Variants in PRR27 observed in about 807,000 individuals in gnomAD.
The protein encoded by PRR27 is proline rich 27, also known as proline-rich protein 27.
PRR27 carries 12 observed loss-of-function variants against 16.8 expected under a neutral mutation model. The observed-to-expected ratio is 0.71, with a 90% CI of 0.46 to 1.16. PRR27 has a LOEUF of 1.16. Among genes scored for constraint, PRR27 ranks in the 50% most tolerant of loss-of-function variants. The pLI is 0.00. For missense variants in PRR27, 277 were observed against 273.3 expected (o/e 1.01, Z -0.10); for synonymous variants, 100 against 98.4 (o/e 1.02, Z -0.10).
chr4:70,161,646 TA>T lies in PRR27; in HGVS notation c.*33+18del. On this transcript the variant is annotated intron_variant, in intron 4 of 4. Transcript: ENST00000344526. ...GTTCATTTCTGTAAGTCATATGTGATAATATAATTTAGAAATTATAGATAAA... is the reference window on the plus strand; with the variant it reads ...GTTCATTTCTGTAAGTCATATGTGATATATAATTTAGAAATTATAGATAAA... 8.2e-7 allele frequency: 1 copy of T among 1,221,958 alleles called. No individual in the cohort carries two copies. Among genetic ancestry groups the T allele is most frequent in the Non-Finnish European group, 1.2e-6 (1 of 856,998 alleles). The allele number at this position is 1,221,958 out of a possible 1,614,324, so 75.7% of individuals were successfully genotyped here.
chr4:70,156,461 G>A (rs1366387816), intron 2 of PRR27, among the ~76,000 whole-genome samples: 2 of 152,280 alleles, frequency 1.3e-5, no homozygotes, highest in South Asian at 2.1e-4. Context: ...TAGAGCAAGA[G>A]AAAGCATGAA....
chr4:70,164,548 T>A lies in PRR27; in HGVS notation c.*1887T>A, dbSNP rs1234362154. 1 of 152,140 alleles carries A rather than the reference T, an allele frequency of 6.6e-6. No individual in the cohort carries two copies. The highest frequency in any genetic ancestry group is 2.4e-5 in the African/African-American group (1 of 41,432). 9.4% of individuals were successfully genotyped at this position (152,140 alleles called of 1,614,324 possible). The stretch of plus-strand genomic sequence containing the variant: ...TCTAACTTTAATTTGACTTAGCCAA[T>A]AATCTGAAACTATTATAGTATCTGT... On this transcript the variant is annotated 3_prime_UTR_variant, in exon 5 of 5. Coordinates refer to ENST00000344526, the MANE Select transcript of PRR27 (RefSeq NM_214711.4).
At position 70,165,862 on chromosome 4, in the gene PRR27, C is replaced by T. The variant is rs185893387; in HGVS notation, c.*3201C>T. 6.6e-6 allele frequency: 1 copy of T among 152,190 alleles called. No homozygotes were observed. Among genetic ancestry groups the T allele is most frequent in the East Asian group, 1.9e-4 (1 of 5,188 alleles). The allele number at this position is 152,190 out of a possible 1,614,324, so 9.4% of individuals were successfully genotyped here. A position where few individuals can be genotyped will look rare whatever the true frequency, so the allele number is the denominator to read the frequency against. ...TTCACACTGGTATCAACTGCAACAA[C>T]CACTATACTTCTCCAGTGATTGCCA... On this transcript the variant is annotated 3_prime_UTR_variant, in exon 5 of 5. Transcript: ENST00000344526.
chr4:70,166,068 G>C lies in PRR27; in HGVS notation c.*3407G>C, dbSNP rs1450043450. ...GAGTTTTAAAAATGTATATAAACAA[G>C]ACATATAATAAATGGTATGTCATTT... On this transcript the variant is annotated 3_prime_UTR_variant, in exon 5 of 5. Coordinates refer to ENST00000344526, the MANE Select transcript of PRR27 (RefSeq NM_214711.4). 2.6e-5 allele frequency: 4 copies of C among 151,908 alleles called. No individual in the cohort carries two copies. The highest frequency in any genetic ancestry group is 3.2e-3 in the Middle Eastern group (1 of 316). 9.4% of individuals were successfully genotyped at this position (151,908 alleles called of 1,614,324 possible).
chr4:70,154,858 G>C lies in PRR27; in HGVS notation c.51+432G>C. 3.3e-6 allele frequency: 3 copies of C among 898,462 alleles called. No individual in the cohort carries two copies. In the South Asian group the frequency reaches 4.1e-5, roughly 12 times the overall value. The allele number at this position is 898,462 out of a possible 1,614,324, so 55.7% of individuals were successfully genotyped here. A position where few individuals can be genotyped will look rare whatever the true frequency, so the allele number is the denominator to read the frequency against. On this transcript the variant is annotated intron_variant, in intron 1 of 4. Transcript: ENST00000344526. ...GTAAATGCACATCATACCTTTAGTG[G>C]ACTGTAACGTAATATAGTGTAATGC...
At chr4:70,155,637 G>C (rs1728458967) in intron 1 of PRR27, among the ~76,000 whole-genome samples, 1 of 152,090 alleles carries the variant, frequency 6.6e-6, no homozygotes, top group Non-Finnish European at 1.5e-5. Context: ...AAAGTGCTGG[G>C]ATTACAGGCG....
chr4:70,154,787 T>C (rs1340177145), intron 1 of PRR27: 1 of 1,305,062 alleles, frequency 7.7e-7, no homozygotes, highest in South Asian at 1.2e-5. Flanking sequence ...GTGCCATTGC[T>C]GGAGGTATTT....
intron 3 of PRR27, among the ~76,000 whole-genome samples, chr4:70,161,157 T>TATAC: frequency 2.9e-4 from 1 of 3,456 alleles, no homozygotes; most frequent in Non-Finnish European, 4.8e-3. Context: ...ATGAACACTG[T>TATAC]ATATATATAT....
At chr4:70,154,733 C>T (rs1275779480) in intron 1 of PRR27, 1 of 1,357,376 alleles carries the variant, frequency 7.4e-7, no homozygotes, top group Admixed American at 2.2e-5. Flanking sequence ...GAGTTTATCT[C>T]TTCAAATTAT....
At chr4:70,154,731 C>G in intron 1 of PRR27, 2 of 1,359,204 alleles carry the variant, frequency 1.5e-6, no homozygotes, top group Middle Eastern at 2.0e-4. Flanking sequence ...CAGAGTTTAT[C>G]TCTTCAAATT....
Position 70,163,337 on chromosome 4 carries a change from CG to C in PRR27, c.*677del, listed in dbSNP as rs955692232. ...TCTTTTTTTTTTTTTTTTTTTGAGACGAAGTCTCACACTGTTGCACGGCTGT... is the reference window on the plus strand; with the variant it reads ...TCTTTTTTTTTTTTTTTTTTTGAGACAAGTCTCACACTGTTGCACGGCTGT... On this transcript the variant is annotated 3_prime_UTR_variant, in exon 5 of 5. Transcript: ENST00000344526. 4.1e-5 allele frequency: 5 copies of C among 121,788 alleles called. No individual in the cohort carries two copies. The highest frequency in any genetic ancestry group is 1.5e-4 in the African/African-American group (5 of 33,320). The allele number at this position is 121,788 out of a possible 1,614,324, so 7.5% of individuals were successfully genotyped here. A position where few individuals can be genotyped will look rare whatever the true frequency, so the allele number is the denominator to read the frequency against.
rs149182032 is a variant in PRR27, at chr4:70,160,409, TTCTCTCTCTCTCTC to T, written c.649-1155_649-1142del. 9.3e-4 allele frequency among the ~76,000 whole-genome samples: 99 copies of T among 106,164 alleles called. 3 individuals are homozygous for T. The South Asian group carries it at 0.041, about 44-fold the overall frequency. 69.6% of individuals were successfully genotyped at this position (106,164 alleles called of 152,430 possible). ...TTAACTCAGAGAATCTTCTGGGACTTTCTCTCTCTCTCTCTCTCTCTCTCTCTCTCTCTCTGTGT... is the reference window on the plus strand; with the variant it reads ...TTAACTCAGAGAATCTTCTGGGACTTTCTCTCTCTCTCTCTCTCTCTGTGT... On this transcript the variant is annotated intron_variant, in intron 3 of 4. Coordinates refer to ENST00000344526, the MANE Select transcript of PRR27 (RefSeq NM_214711.4).
chr4:70,161,179 T>TATATATATATATAC lies in PRR27; in HGVS notation c.649-406_649-405insTATATATATATACA, dbSNP rs527588905. Among the ~76,000 whole-genome samples, 723 of 107,586 alleles carry TATATATATATATAC rather than the reference T, an allele frequency of 6.7e-3. 14 individuals carry two copies. The highest frequency in any genetic ancestry group is 0.018 in the African/African-American group (512 of 28,926). The allele number at this position is 107,586 out of a possible 152,430, so 70.6% of individuals were successfully genotyped here. On this transcript the variant is annotated intron_variant, in intron 3 of 4. Transcript: ENST00000344526. ...CTGTATATATATATATATATATATA[T>TATATATATATATAC]ACACACATACATATATATACACGTA... is the stretch of plus-strand genomic sequence containing the variant.
intron 3 of PRR27, among the ~76,000 whole-genome samples, chr4:70,160,207 A>G (rs951219333): frequency 3.3e-5 from 5 of 152,102 alleles, no homozygotes; most frequent in Non-Finnish European, 5.9e-5. Context: ...ACCTTCTAGT[A>G]GGCCACAGTG....
chr4:70,156,227 T>A (rs565294367), intron 2 of PRR27, 150 bp downstream of exon 2: 7 of 446,782 alleles, frequency 1.6e-5, no homozygotes, highest in African/African-American at 1.4e-4. Context: ...TCCGATTTGA[T>A]AGAAAATATT....
intron 2 of PRR27, 34 bp from the exon 3 acceptor site, chr4:70,158,294 A>ACAAG (rs1728537676): frequency 2.3e-6 from 3 of 1,313,552 alleles, no homozygotes; most frequent in South Asian, 2.5e-5. Context: ...CAGGACAAAT[A>ACAAG]CAATCAACTT....
At chr4:70,158,935 A>G in intron 3 of PRR27, 35 bp downstream of exon 3, 1 of 1,486,678 alleles carries the variant, frequency 6.7e-7, no homozygotes, top group South Asian at 1.2e-5. Context: ...ATAATGTATG[A>G]GAAATGAGAT....
intron 4 of PRR27, among the ~76,000 whole-genome samples, chr4:70,161,907 A>AT (rs998706004): frequency 2.0e-5 from 3 of 152,238 alleles, no homozygotes; most frequent in Non-Finnish European, 4.4e-5. Context: ...AGTAGTTAAT[A>AT]TAGGTAAAAA....
At chr4:70,154,658 A>C in intron 1 of PRR27, 1 of 964,408 alleles carries the variant, frequency 1.0e-6, no homozygotes, top group Non-Finnish European at 1.6e-6. Flanking sequence ...GTAAGTTCAT[A>C]AATGTAGGAG....
Sources: gnomAD v4.1 joint callset for allele counts (sites outside exome capture counted in the v4.1 genomes callset) on GRCh38, gnomAD v4.1.1 for gene constraint, MANE v1.5 for transcripts, NCBI Gene and HGNC (gene_info 2026-07-23, HGNC 2026-07-21) for gene names.